The following VPS13D variants were observed in gnomAD, a reference collection of about 807,000 sequenced individuals.
VPS13D encodes the protein intermembrane lipid transfer protein VPS13D.
In VPS13D, 187 loss-of-function variants were observed where a neutral mutation model predicts 461.9. That is an observed-to-expected ratio of 0.40 (90% CI 0.36 to 0.46). The LOEUF is 0.46. Among genes scored for constraint, VPS13D ranks in the 20% least tolerant of loss-of-function variants. The probability of loss-of-function intolerance (pLI) is 0.60; values close to 1 mark genes in which losing one functional copy is unlikely to be tolerated. For missense variants in VPS13D, 4,711 were observed against 5,364.9 expected (o/e 0.88, Z 3.81); for synonymous variants, 1,951 against 1,986.3 (o/e 0.98, Z 0.47).
rs746990996 is a variant in VPS13D at position 12,460,187 on chromosome 1, G to T, written c.12467-14G>T. ...TCCTCGTCAGGTTACAACAGCCCTTGTCTTTTTCACTAGGTATCATTGGTG... is the reference window on the plus strand; with the variant it reads ...TCCTCGTCAGGTTACAACAGCCCTTTTCTTTTTCACTAGGTATCATTGGTG... On this transcript the variant is annotated splice_polypyrimidine_tract_variant and intron_variant, in intron 66 of 69. Transcript: ENST00000620676. The T allele has an allele frequency of 6.4e-7, 1 of 1,559,574 alleles. No homozygotes were observed. The highest frequency in any genetic ancestry group is 8.7e-7 in the Non-Finnish European group (1 of 1,151,478).
intron 40 of VPS13D, among the ~76,000 whole-genome samples, chr1:12,338,947 T>C (rs1643508348): frequency 6.6e-6 from 1 of 152,222 alleles, no homozygotes; most frequent in Non-Finnish European, 1.5e-5. Context: ...GTTTTTGTTT[T>C]AGGGAGTGCA....
rs762999059 is a variant in VPS13D, at chr1:12,356,439, G to A, written c.9913G>A (p.Ala3305Thr). The part of the protein sequence containing the change: ...IFRQDNAKTD[A>T]AGQFEEHELA... The stretch of plus-strand genomic sequence containing the variant: ...CAGACAGGACAATGCCAAGACAGAT[G>A]CTGCAGGCCAGTTTGAGGAGCATGA... The change falls in exon 49 of 70, where the codon GCT becomes ACT. Residue 3305 changes from alanine to threonine, a missense_variant. Around this residue, in one of 3 missense-constraint regions of VPS13D, gnomAD observed 4,411 missense variants for 4,937.8 expected, o/e 0.89. Transcript: ENST00000620676. 2.7e-5 allele frequency: 44 copies of A among 1,614,106 alleles called. No homozygotes were observed. The highest frequency in any genetic ancestry group is 3.7e-5 in the Non-Finnish European group (44 of 1,180,016).
rs1235592302 is a variant in VPS13D at position 12,369,483 on chromosome 1, C to T, written c.10589C>T (p.Thr3530Ile). 6.2e-7 allele frequency: 1 copy of T among 1,614,180 alleles called. No individual in the cohort carries two copies. ...TCACTCTAGGTCCCGGTTGTCTTTA[C>T]TCAGCATGGCGTAGCTGAACCCAGG... is the stretch of plus-strand genomic sequence containing the variant. ...DNFSKVPVVFTQHGVAEPRLR... is the reference protein window; with the variant it reads ...DNFSKVPVVFIQHGVAEPRLR... The change falls in exon 54 of 70, where the codon ACT becomes ATT. Residue 3530 changes from threonine (T) to isoleucine (I), a missense_variant. Thr to Ile is a moderately conservative substitution (Grantham distance 89). Coordinates refer to ENST00000620676, the MANE Select transcript of VPS13D (RefSeq NM_015378.4).
Position 12,276,918 on chromosome 1 carries a change from A to C in VPS13D, c.3330A>C (p.Leu1110Phe). Residue 1110 changes from leucine to phenylalanine, a missense_variant, in exon 19 of 70, where the codon TTA becomes TTC. By Grantham distance (22) the Leu-to-Phe change is conservative. Around this residue, in one of 3 missense-constraint regions of VPS13D, gnomAD observed 4,411 missense variants for 4,937.8 expected, o/e 0.89. Coordinates refer to ENST00000620676, the MANE Select transcript of VPS13D (RefSeq NM_015378.4). The surrounding 1 kb of genome is among the most constrained non-coding windows in gnomAD (Gnocchi z 4.5). ...TGATTTCCCTACAGGTGAATAATTTAGATATTATCCTCAATCCAGAGACGA... is the reference window on the plus strand; with the variant it reads ...TGATTTCCCTACAGGTGAATAATTTCGATATTATCCTCAATCCAGAGACGA... ...LQVISLQVNNLDIILNPETIV... is the reference protein window; with the variant it reads ...LQVISLQVNNFDIILNPETIV... The C allele has an allele frequency of 6.2e-7, 1 of 1,614,212 alleles. No individual in the cohort carries two copies. Among genetic ancestry groups the C allele is most frequent in the Non-Finnish European group, 8.5e-7 (1 of 1,180,028 alleles).
chr1:12,338,388 G>A (rs1483512966), intron 40 of VPS13D, 83 bp downstream of exon 40: 1 of 1,266,714 alleles, frequency 7.9e-7, no homozygotes, highest in Non-Finnish European at 1.1e-6. Flanking sequence ...TTAATGAGTG[G>A]GAGTTGAATT....
At chr1:12,376,732 G>A (rs919933503) in intron 55 of VPS13D, among the ~76,000 whole-genome samples, 1 of 152,210 alleles carries the variant, frequency 6.6e-6, no homozygotes, top group African/African-American at 2.4e-5. Context: ...GCATGTAAAT[G>A]AGTTTGTGGT....
Position 12,321,877 on chromosome 1 carries a change from A to C in VPS13D, c.7617A>C (p.Gln2539His), listed in dbSNP as rs573759467. ...ALSIVDPVQI[Q>H]MELVGNSSYQ... ...CAATTGTGGATCCCGTACAAATTCA[A>C]ATGGAGTTGGTGGGGAATTCTTCTT... The change falls in exon 33 of 70, where the codon CAA becomes CAC. Residue 2539 changes from glutamine to histidine, a missense_variant. Coordinates refer to ENST00000620676, the MANE Select transcript of VPS13D (RefSeq NM_015378.4). 1.2e-6 allele frequency: 2 copies of C among 1,613,672 alleles called. No homozygotes were observed. Among genetic ancestry groups the C allele is most frequent in the East Asian group, 4.5e-5 (2 of 44,848 alleles).
chr1:12,478,819 G>A (rs1645671714), intron 67 of VPS13D: 1 of 455,954 alleles, frequency 2.2e-6, no homozygotes, highest in South Asian at 1.5e-5. Flanking sequence ...GAGGAAACAG[G>A]GCTGACACCA....
At chr1:12,442,393 T>C (rs563302571) in intron 65 of VPS13D, among the ~76,000 whole-genome samples, 2 of 152,344 alleles carry the variant, frequency 1.3e-5, no homozygotes, top group East Asian at 1.9e-4. Flanking sequence ...TGTCAACTTA[T>C]TGGACAGTGT....
At chr1:12,500,942 T>C (rs1189893356) in intron 68 of VPS13D, among the ~76,000 whole-genome samples, 1 of 151,770 alleles carries the variant, frequency 6.6e-6, no homozygotes, top group Non-Finnish European at 1.5e-5. Context: ...TATCCCCAGC[T>C]ACTTGGGAAG....
chr1:12,239,060 G>T (rs1251805678), intron 2 of VPS13D, among the ~76,000 whole-genome samples: 2 of 152,194 alleles, frequency 1.3e-5, no homozygotes, highest in Non-Finnish European at 2.9e-5. Flanking sequence ...ATGCGATGGG[G>T]TGTGAAGGAA....
rs754211695 is a variant in VPS13D at position 12,507,069 on chromosome 1, C to T, written c.13011C>T (p.Pro4337=). The T allele has an allele frequency of 2.7e-5, 44 of 1,614,090 alleles. No homozygotes were observed. The highest frequency in any genetic ancestry group is 1.2e-4 in the South Asian group (11 of 91,086). ...AVSTSSGVSI[P]GPSHQKPMVH... ...GCACGAGCAGTGGAGTGTCCATCCC[C>T]GGCCCCTCCCACCAGAAGCCCATGG... The change falls in exon 69 of 70, where the codon CCC becomes CCT. Residue 4337 remains proline (P), a synonymous_variant. Coordinates refer to ENST00000620676, the MANE Select transcript of VPS13D (RefSeq NM_015378.4). This position sits in a 1 kb window ranked among gnomAD's most constrained non-coding sequence, Gnocchi z 5.3.
Position 12,311,481 on chromosome 1 carries a change from A to T in VPS13D, c.6678A>T (p.Ile2226=). The change falls in exon 28 of 70, where the codon ATA becomes ATT. Residue 2226 remains isoleucine, a synonymous_variant. Transcript: ENST00000620676. ...AAATAAGTCATACTGTGCCAGACAT[A>T]TCTATCCATGGCAATCTCTCCTCAG... is the stretch of plus-strand genomic sequence containing the variant. ...DKEISHTVPD[I]SIHGNLSSVH... The T allele has an allele frequency of 6.2e-7, 1 of 1,613,876 alleles. No individual in the cohort carries two copies. Among genetic ancestry groups the T allele is most frequent in the Non-Finnish European group, 8.5e-7 (1 of 1,179,954 alleles).
chr1:12,476,667 T>A (rs749452171), intron 67 of VPS13D, among the ~76,000 whole-genome samples: 1 of 152,246 alleles, frequency 6.6e-6, no homozygotes, highest in Non-Finnish European at 1.5e-5. Flanking sequence ...TTGTTGCCTT[T>A]TATTTCCCAG....
At chr1:12,362,916 T>C in intron 51 of VPS13D, 66 bp downstream of exon 51, 4 of 1,605,426 alleles carry the variant, frequency 2.5e-6, no homozygotes, top group South Asian at 2.2e-5. Flanking sequence ...TGTCATCTTC[T>C]GTGAAGACTG....
chr1:12,268,035 C>T, intron 15 of VPS13D, 115 bp downstream of exon 15: 1 of 788,434 alleles, frequency 1.3e-6, no homozygotes, highest in East Asian at 3.0e-5. Flanking sequence ...GATCTTGGCT[C>T]ACTGCAACCT....
intron 60 of VPS13D, 151 bp from the exon 61 acceptor site, chr1:12,400,030 C>T (rs1644553578): frequency 1.3e-6 from 1 of 747,248 alleles, no homozygotes; most frequent in African/African-American, 1.8e-5. Flanking sequence ...ATTATGACTG[C>T]CCTTTTGTGA....
In VPS13D at chr1:12,275,211, T is replaced by C. The variant is rs574347696; in HGVS notation, c.2237-614T>C. ...TCCAGCCTGGGTGACAGAATGAGAC[T>C]CCATCTCAAAAATAAATAAAAATAA... is the stretch of plus-strand genomic sequence containing the variant. On this transcript the variant is annotated intron_variant, in intron 18 of 69. Transcript: ENST00000620676. Among the ~76,000 whole-genome samples the C allele has an allele frequency of 1.2e-3, 179 of 151,796 alleles. 1 individual carries two copies. Among genetic ancestry groups the C allele is most frequent in the Non-Finnish European group, 1.4e-3 (93 of 67,906 alleles).
chr1:12,450,577 C>T (rs926990478), intron 65 of VPS13D, among the ~76,000 whole-genome samples: 1 of 152,144 alleles, frequency 6.6e-6, no homozygotes, highest in Non-Finnish European at 1.5e-5. Flanking sequence ...CCGATTCTGT[C>T]GCAGTGCTGG....
Sources: allele counts gnomAD v4.1 joint callset (sites outside exome capture counted in the v4.1 genomes callset), GRCh38; gene constraint gnomAD v4.1.1; regional missense constraint gnomAD v4.1.1; non-coding constraint Gnocchi (gnomAD v3.1); transcripts MANE v1.5; gene names NCBI Gene and HGNC (gene_info 2026-07-23, HGNC 2026-07-21).